The following NXPH2 variants were observed in gnomAD, a reference collection of about 807,000 sequenced individuals.
NXPH2 encodes the protein neurexophilin 2, also known as neurexophilin-2.
A neutral mutation model predicts 19.8 loss-of-function variants in NXPH2; 5 were observed. The observed-to-expected ratio is 0.25, with a 90% CI of 0.13 to 0.53. NXPH2 has a LOEUF of 0.53. Ranked by LOEUF, NXPH2 falls within the 20% of genes least tolerant of loss-of-function variation. The probability of loss-of-function intolerance (pLI) is 0.96; values close to 1 mark genes in which losing one functional copy is unlikely to be tolerated. For missense variants in NXPH2, 289 were observed against 322.8 expected, an observed-to-expected ratio of 0.90 and a Z score of 0.80; for synonymous variants, 154 against 127.4, an observed-to-expected ratio of 1.21 and a Z score of -1.41.
intron 1 of NXPH2, among the ~76,000 whole-genome samples, chr2:138,731,144 G>A (rs1159835442): frequency 6.6e-6 from 1 of 151,946 alleles, no homozygotes; most frequent in African/African-American, 2.4e-5. Context: ...CCTCCATTGT[G>A]CTGCTTGCTT....
chr2:138,774,003 T>C (rs910936332), intron 1 of NXPH2, among the ~76,000 whole-genome samples: 16 of 152,242 alleles, frequency 1.1e-4, no homozygotes, highest in Non-Finnish European at 2.1e-4. Context: ...AACATTTACA[T>C]GTGAACTCCT....
intron 1 of NXPH2, among the ~76,000 whole-genome samples, chr2:138,741,458 C>A (rs1286345366): frequency 6.6e-6 from 1 of 152,104 alleles, no homozygotes; most frequent in African/African-American, 2.4e-5. Flanking sequence ...AAATCATCCT[C>A]CATGTTTTCC....
chr2:138,758,629 T>C (rs547354359), intron 1 of NXPH2, among the ~76,000 whole-genome samples: 2 of 152,330 alleles, frequency 1.3e-5, no homozygotes, highest in Admixed American at 1.3e-4. Flanking sequence ...CATATGTCTT[T>C]AGTTTGTCAA....
At chr2:138,762,901 A>G (rs1030178246) in intron 1 of NXPH2, among the ~76,000 whole-genome samples, 2 of 152,196 alleles carry the variant, frequency 1.3e-5, no homozygotes, top group African/African-American at 2.4e-5. Context: ...GCCAGACCAC[A>G]CCTATGTATT....
In NXPH2 at chr2:138,697,008, T is replaced by C. The variant is rs185563405; in HGVS notation, c.52-25343A>G. On this transcript the variant is annotated intron_variant, in intron 1 of 1. Transcript: ENST00000272641. ...TAGGTAATTTCATATAATTAAATAGTACTCAGAATAAAGATAAAAACTGGT... is the reference window on the plus strand; with the variant it reads ...TAGGTAATTTCATATAATTAAATAGCACTCAGAATAAAGATAAAAACTGGT... Among the ~76,000 whole-genome samples the C allele has an allele frequency of 3.3e-4, 50 of 152,228 alleles. 1 individual carries two copies. In the East Asian group the frequency reaches 7.9e-3, roughly 24 times the overall value.
chr2:138,742,642 T>C (rs4245864), intron 1 of NXPH2, among the ~76,000 whole-genome samples: 151,791 of 152,314 alleles, frequency 1, 75,637 homozygotes, highest in East Asian at 1. Flanking sequence ...AATGAGCAAG[T>C]AAGTCTCCTG....
At chr2:138,729,842 G>A (rs1481617558) in intron 1 of NXPH2, among the ~76,000 whole-genome samples, 2 of 152,132 alleles carry the variant, frequency 1.3e-5, no homozygotes, top group East Asian at 3.9e-4. Context: ...CAAACTGTGT[G>A]GGTTTATGTC....
intron 1 of NXPH2, among the ~76,000 whole-genome samples, chr2:138,730,583 G>A (rs1681432951): frequency 6.6e-6 from 1 of 152,064 alleles, no homozygotes; most frequent in South Asian, 2.1e-4. Context: ...GGCAGCCCAG[G>A]GCAGAGACCA....
At position 138,671,487 on chromosome 2, in the gene NXPH2, A is replaced by T; in HGVS notation, c.230T>A (p.Met77Lys). 6.2e-7 allele frequency: 1 copy of T among 1,613,964 alleles called. No homozygotes were observed. The highest frequency in any genetic ancestry group is 8.5e-7 in the Non-Finnish European group (1 of 1,179,854). ...KPGPMAYADS[M>K]ENFWDWLANI... Reference sequence around the variant, plus strand: ...GGCCAGCCAATCCCAAAAGTTTTCCATGCTGTCTGCGTACGCCATGGGGCC... The same window carrying T: ...GGCCAGCCAATCCCAAAAGTTTTCCTTGCTGTCTGCGTACGCCATGGGGCC... The change falls in exon 2 of 2, where the codon ATG becomes AAG. Residue 77 changes from methionine to lysine, a missense_variant. Transcript: ENST00000272641.
chr2:138,727,395 T>C (rs1205084254), intron 1 of NXPH2, among the ~76,000 whole-genome samples: 1 of 152,180 alleles, frequency 6.6e-6, no homozygotes, highest in East Asian at 1.9e-4. Flanking sequence ...CAGGATATAG[T>C]GTCAGCATTT....
At chr2:138,733,541 A>C (rs1490412652) in intron 1 of NXPH2, among the ~76,000 whole-genome samples, 1 of 152,232 alleles carries the variant, frequency 6.6e-6, no homozygotes, top group Non-Finnish European at 1.5e-5. Flanking sequence ...ATGGAGAGAC[A>C]TGTGAAGTCT....
intron 1 of NXPH2, among the ~76,000 whole-genome samples, chr2:138,759,011 C>T (rs921940076): frequency 6.6e-6 from 1 of 152,108 alleles, no homozygotes; most frequent in African/African-American, 2.4e-5. Context: ...ACCAGGTATG[C>T]TGGGGGAGTA....
At chr2:138,735,274 G>T (rs1379985654) in intron 1 of NXPH2, among the ~76,000 whole-genome samples, 1 of 152,062 alleles carries the variant, frequency 6.6e-6, no homozygotes, top group Non-Finnish European at 1.5e-5. Flanking sequence ...TTTTCATGAT[G>T]CTGATAAAGA....
intron 1 of NXPH2, among the ~76,000 whole-genome samples, chr2:138,725,250 TG>T (rs367845554): frequency 3.0e-4 from 46 of 152,296 alleles, no homozygotes; most frequent in African/African-American, 1.1e-3. Flanking sequence ...ATTTACAAAG[TG>T]GTTGATGTTT....
intron 1 of NXPH2, among the ~76,000 whole-genome samples, chr2:138,758,590 TC>T (rs761454118): frequency 1.8e-4 from 27 of 152,228 alleles, no homozygotes; most frequent in Non-Finnish European, 3.1e-4. Context: ...CCATGGGACT[TC>T]CTGATGAAAC....
chr2:138,704,719 A>G (rs532614167), intron 1 of NXPH2, among the ~76,000 whole-genome samples: 1 of 152,300 alleles, frequency 6.6e-6, no homozygotes, highest in African/African-American at 2.4e-5. Context: ...CAGTGGCACA[A>G]TCATGTCTTA....
chr2:138,753,427 G>T (rs754423429), intron 1 of NXPH2, among the ~76,000 whole-genome samples: 1 of 152,018 alleles, frequency 6.6e-6, no homozygotes, highest in Non-Finnish European at 1.5e-5. Context: ...CCAGGTTCTA[G>T]AATCAGTCAT....
chr2:138,757,757 A>ATG (rs376545635), intron 1 of NXPH2, among the ~76,000 whole-genome samples: 5 of 150,578 alleles, frequency 3.3e-5, no homozygotes, highest in Non-Finnish European at 7.4e-5. Context: ...TCTCTTATAT[A>ATG]TGTGTGTGTG....
At chr2:138,748,881 T>C (rs777232398) in intron 1 of NXPH2, among the ~76,000 whole-genome samples, 20 of 152,208 alleles carry the variant, frequency 1.3e-4, no homozygotes, top group African/African-American at 3.1e-4. Context: ...GCGTAAGGGA[T>C]GCTCTGATTA....
Sources: gnomAD v4.1 joint callset for allele counts (sites outside exome capture counted in the v4.1 genomes callset) on GRCh38, gnomAD v4.1.1 for gene constraint, MANE v1.5 for transcripts, NCBI Gene and HGNC (gene_info 2026-07-23, HGNC 2026-07-21) for gene names.